The following CFAP144 variants were observed in gnomAD, a reference collection of about 807,000 sequenced individuals.
The protein encoded by CFAP144 is cilia and flagella associated protein 144.
At chr1:43,152,593 TCACTCAG>T in the CFAP144 span, among the ~76,000 whole-genome samples, 1 of 152,218 alleles carries the variant, frequency 6.6e-6, no homozygotes, top group African/African-American at 2.4e-5. Flanking sequence ...GACCATGCTG[TCACTCAG>T]CACTCTATGC....
At chr1:43,154,088 A>G in the CFAP144 span, among the ~76,000 whole-genome samples, 2 of 132,766 alleles carry the variant, frequency 1.5e-5, no homozygotes, top group Non-Finnish European at 3.1e-5. Flanking sequence ...ATATATATAT[A>G]TATATATATA....
chr1:43,155,975 G>A, the CFAP144 span, among the ~76,000 whole-genome samples: 3 of 152,240 alleles, frequency 2.0e-5, no homozygotes, highest in African/African-American at 4.8e-5. Context: ...TAGGTGCTGA[G>A]GATACTGTGG....
chr1:43,152,984 G>C, the CFAP144 span: 1 of 1,565,880 alleles, frequency 6.4e-7, no homozygotes, highest in Non-Finnish European at 8.7e-7. Context: ...AGCAATGTAA[G>C]TGGTGACCGT....
the CFAP144 span, among the ~76,000 whole-genome samples, chr1:43,154,494 G>A: frequency 6.6e-6 from 1 of 151,358 alleles, no homozygotes; most frequent in African/African-American, 2.4e-5. Flanking sequence ...GGTATGGTTA[G>A]AGAGCTGGAG....
chr1:43,148,146 C>A, the CFAP144 span: 1 of 1,559,358 alleles, frequency 6.4e-7, no homozygotes. Flanking sequence ...AAGGAGGAGC[C>A]CTCCGGGTTG....
the CFAP144 span, chr1:43,150,870 G>C: frequency 2.0e-6 from 3 of 1,486,886 alleles, no homozygotes; most frequent in Non-Finnish European, 1.8e-6. Context: ...AGAGAGGCAG[G>C]CTGGCTGGAG....
the CFAP144 span, chr1:43,148,092 G>A: frequency 1.2e-6 from 2 of 1,610,912 alleles, no homozygotes; most frequent in South Asian, 1.1e-5. Context: ...AGAGTGAGAG[G>A]CACGGCGGGG....
the CFAP144 span, chr1:43,147,911 G>A: frequency 1.5e-5 from 24 of 1,605,784 alleles, no homozygotes; most frequent in Non-Finnish European, 1.9e-5. Flanking sequence ...CCTGGAGACT[G>A]TGGAAGGCCC....
At chr1:43,150,155 C>T in the CFAP144 span, among the ~76,000 whole-genome samples, 9 of 152,156 alleles carry the variant, frequency 5.9e-5, no homozygotes, top group African/African-American at 9.7e-5. Context: ...TTACATTTGC[C>T]GGGTGATATA....
the CFAP144 span, among the ~76,000 whole-genome samples, chr1:43,151,386 TGAA>T: frequency 2.6e-5 from 4 of 152,066 alleles, no homozygotes; most frequent in East Asian, 5.8e-4. Context: ...CATAGCATAA[TGAA>T]GAAGAAGAGA....
the CFAP144 span, chr1:43,147,936 G>A: frequency 3.2e-5 from 52 of 1,613,470 alleles, no homozygotes; most frequent in Non-Finnish European, 4.4e-5. Flanking sequence ...AAGAGGGCGC[G>A]TGGCAGCCCA....
the CFAP144 span, chr1:43,152,741 A>G: frequency 7.2e-7 from 1 of 1,387,340 alleles, no homozygotes; most frequent in South Asian, 1.7e-5. Context: ...TCTGCCTGAA[A>G]GGAACAATGT....
the CFAP144 span, among the ~76,000 whole-genome samples, chr1:43,152,473 C>T: frequency 6.6e-6 from 1 of 152,202 alleles, no homozygotes; most frequent in African/African-American, 2.4e-5. Context: ...GACCCTTCAC[C>T]TATTCCTTTC....
chr1:43,143,775 A>G, the CFAP144 span, among the ~76,000 whole-genome samples: 8 of 152,216 alleles, frequency 5.3e-5, no homozygotes, highest in African/African-American at 1.4e-4. Flanking sequence ...CAAAAAGTTC[A>G]GTTCTGCTCT....
the CFAP144 span, among the ~76,000 whole-genome samples, chr1:43,144,351 G>A: frequency 6.6e-6 from 1 of 152,126 alleles, no homozygotes; most frequent in Non-Finnish European, 1.5e-5. Context: ...TTCAGTTAGG[G>A]GATGATGTGA....
the CFAP144 span, among the ~76,000 whole-genome samples, chr1:43,149,291 T>C: frequency 6.6e-6 from 1 of 152,212 alleles, no homozygotes; most frequent in South Asian, 2.1e-4. Context: ...ACCCTGCTCC[T>C]TTAAGAAATA....
the CFAP144 span, among the ~76,000 whole-genome samples, chr1:43,148,819 G>T: frequency 2.6e-5 from 4 of 151,710 alleles, no homozygotes; most frequent in Non-Finnish European, 5.9e-5. Flanking sequence ...CCTCCTCAAG[G>T]TCTCTCTCCC....
At chr1:43,149,295 A>G in the CFAP144 span, among the ~76,000 whole-genome samples, 3 of 152,214 alleles carry the variant, frequency 2.0e-5, no homozygotes, top group African/African-American at 7.2e-5. Flanking sequence ...TGCTCCTTTA[A>G]GAAATACTTT....
the CFAP144 span, among the ~76,000 whole-genome samples, chr1:43,152,517 G>A: frequency 4.6e-5 from 7 of 152,218 alleles, no homozygotes; most frequent in South Asian, 1.2e-3. Context: ...CCACCATCAC[G>A]TCATTTTGTA....
Sources: gnomAD v4.1 joint callset for allele counts (sites outside exome capture counted in the v4.1 genomes callset) on GRCh38, gnomAD v4.1.1 for gene constraint, MANE v1.5 for transcripts, NCBI Gene and HGNC (gene_info 2026-07-23, HGNC 2026-07-21) for gene names.